The following DNAH8 variants were observed in gnomAD, a reference collection of about 807,000 sequenced individuals.
The protein encoded by DNAH8 is dynein axonemal heavy chain 8, also known as axonemal beta dynein heavy chain 8.
A neutral mutation model predicts 562.1 loss-of-function variants in DNAH8; 382 were observed. That is an observed-to-expected ratio of 0.68 (90% CI 0.63 to 0.74). DNAH8 has a LOEUF of 0.74. Among genes scored for constraint, DNAH8 ranks in the 30% least tolerant of loss-of-function variants. DNAH8 has a pLI of 0.00. For missense variants in DNAH8, 5,203 were observed against 5,620.4 expected, an observed-to-expected ratio of 0.93 and a Z score of 2.37; for synonymous variants, 1,881 against 1,919.4, an observed-to-expected ratio of 0.98 and a Z score of 0.52.
intron 92 of DNAH8, among the ~76,000 whole-genome samples, chr6:39,027,764 T>TGGAG (rs1767393723): frequency 6.6e-6 from 1 of 152,052 alleles, no homozygotes; most frequent in East Asian, 1.9e-4. Flanking sequence ...AGGCGGAGGT[T>TGGAG]GCGGTGAACT....
At chr6:39,011,813 A>G (rs1766230306) in intron 89 of DNAH8, among the ~76,000 whole-genome samples, 1 of 152,212 alleles carries the variant, frequency 6.6e-6, no homozygotes, top group South Asian at 2.1e-4. Context: ...TTAACTTTCT[A>G]TGACATTTCT....
At chr6:38,805,933 G>T (rs9380780) in intron 23 of DNAH8, among the ~76,000 whole-genome samples, 1 of 152,144 alleles carries the variant, frequency 6.6e-6, no homozygotes, top group Non-Finnish European at 1.5e-5. Context: ...CTCAGTTGTT[G>T]TGTTTAATGG....
rs143704949 is a variant in DNAH8 at position 39,008,449 on chromosome 6, T to C, written c.13215-365T>C. 3.3e-3 allele frequency among the ~76,000 whole-genome samples: 495 copies of C among 152,294 alleles called. 1 individual carries two copies. Among genetic ancestry groups the C allele is most frequent in the African/African-American group, 0.011 (461 of 41,558 alleles). Reference sequence around the variant, plus strand: ...GCTGTCCTATAATGATAGACTCTTATGACCAGTCTATAGCAGGGGAGAGTG... The same window carrying C: ...GCTGTCCTATAATGATAGACTCTTACGACCAGTCTATAGCAGGGGAGAGTG... On this transcript the variant is annotated intron_variant, in intron 88 of 92. Transcript: ENST00000327475.
chr6:38,870,265 A>C, intron 48 of DNAH8, 136 bp from the exon 49 acceptor site: 5 of 731,802 alleles, frequency 6.8e-6, no homozygotes, highest in Non-Finnish European at 1.1e-5. Flanking sequence ...AGAAAGTACT[A>C]GAGAATACAA....
chr6:38,974,827 C>T (rs1157627499), intron 85 of DNAH8, among the ~76,000 whole-genome samples: 1 of 152,126 alleles, frequency 6.6e-6, no homozygotes, highest in Non-Finnish European at 1.5e-5. Flanking sequence ...TGTCAGAGCT[C>T]AATAAATATT....
chr6:38,837,004 A>G (rs749355606), intron 32 of DNAH8, among the ~76,000 whole-genome samples: 8 of 152,146 alleles, frequency 5.3e-5, no homozygotes, highest in Non-Finnish European at 8.8e-5. Context: ...ATCCTTCCTT[A>G]GTGTTCACAT....
In DNAH8 at chr6:38,828,187, G is replaced by T. The variant is rs201887726; in HGVS notation, c.4087G>T (p.Ala1363Ser). 1.9e-6 allele frequency: 3 copies of T among 1,584,154 alleles called. No individual in the cohort carries two copies. Among genetic ancestry groups the T allele is most frequent in the Non-Finnish European group, 2.6e-6 (3 of 1,165,430 alleles). Reference sequence around the variant, plus strand: ...AAACTCCACCTTCATCCTGCAGGAAGCCTATGCTATTTTAAACAGATTTGA... The same window carrying T: ...AAACTCCACCTTCATCCTGCAGGAATCCTATGCTATTTTAAACAGATTTGA... ...MDMTLGPIEE[A>S]YAILNRFEVE... is the part of the protein sequence containing the mutation. Residue 1363 changes from alanine (A) to serine (S), a missense_variant, in exon 30 of 93, where the codon GCC (alanine) becomes TCC (serine). Ala to Ser is a moderately conservative substitution (Grantham distance 99). Transcript: ENST00000327475.
intron 3 of DNAH8, among the ~76,000 whole-genome samples, chr6:38,726,460 T>G (rs181493221): frequency 3.9e-5 from 6 of 152,362 alleles, no homozygotes; most frequent in Non-Finnish European, 1.5e-5. Context: ...CTATTTGCTA[T>G]TCCTGGGGTA....
rs911854224 is a variant in DNAH8 at position 38,911,560 on chromosome 6, A to G, written c.9833A>G (p.Asn3278Ser). The G allele has an allele frequency of 6.2e-7, 1 of 1,608,386 alleles. No homozygotes were observed. The highest frequency in any genetic ancestry group is 2.2e-5 in the East Asian group (1 of 44,848). Reference sequence around the variant, plus strand: ...TATGCTGAAAAGGTGAAGTTCATTAATGAACAGGCTGAACGTATGAATATT... The same window carrying G: ...TATGCTGAAAAGGTGAAGTTCATTAGTGAACAGGCTGAACGTATGAATATT... ...NIYAEKVKFI[N>S]EQAERMNIGL... Residue 3278 changes from asparagine (N) to serine (S), a missense_variant, in exon 66 of 93, where the codon AAT becomes AGT. Coordinates refer to ENST00000327475, the MANE Select transcript of DNAH8 (RefSeq NM_001206927.2).
intron 88 of DNAH8, among the ~76,000 whole-genome samples, chr6:38,996,788 A>T (rs1462381796): frequency 6.6e-6 from 1 of 152,162 alleles, no homozygotes; most frequent in African/African-American, 2.4e-5. Flanking sequence ...GTTAGAGAGG[A>T]CACGGTGAGC....
At chr6:38,715,488 C>T (rs1762201230) in intron 1 of DNAH8, 73 bp downstream of exon 1, 1 of 152,416 alleles carries the variant, frequency 6.6e-6, no homozygotes, top group African/African-American at 2.4e-5. Context: ...CCGGGTTCCC[C>T]GCCCACTTTC....
chr6:38,945,979 A>G (rs944997198), intron 80 of DNAH8, among the ~76,000 whole-genome samples: 2 of 152,216 alleles, frequency 1.3e-5, no homozygotes, highest in Non-Finnish European at 2.9e-5. Context: ...AGGTCCCTCT[A>G]AAAAATTAAT....
At chr6:38,814,770 T>C (rs1430944512) in intron 25 of DNAH8, among the ~76,000 whole-genome samples, 1 of 152,140 alleles carries the variant, frequency 6.6e-6, no homozygotes, top group Non-Finnish European at 1.5e-5. Context: ...AACACATGAC[T>C]GTGAGGCAAC....
chr6:38,729,943 G>A lies in DNAH8; in HGVS notation c.567G>A (p.Lys189=), dbSNP rs778634615. Residue 189 remains lysine (K), a synonymous_variant, in exon 4 of 93, where the codon AAG becomes AAA. Transcript: ENST00000327475. ...ATTTTTTTGCGAAAGATGGTTGTAA[G>A]ACACTGAAATTTTTGTACCAAGAAG... The part of the protein sequence containing the change: ...FTNFFAKDGC[K]TLKFLYQEGD... 4 of 1,601,010 alleles carry A rather than the reference G, an allele frequency of 2.5e-6. No homozygotes were observed. In the East Asian group the frequency reaches 8.9e-5, roughly 36 times the overall value.
chr6:38,868,825 C>T lies in DNAH8; in HGVS notation c.6828+629C>T, dbSNP rs144764558. On this transcript the variant is annotated intron_variant, in intron 48 of 92. Transcript: ENST00000327475. ...AGCTGGGACTACTGGCACACACCAC[C>T]ATGCCTGGCTAATTTTTGTACTGTT... Among the ~76,000 whole-genome samples, 1,555 of 152,160 alleles carry T rather than the reference C, an allele frequency of 0.01. 86 individuals are homozygous for T. In the East Asian group the frequency reaches 0.15, roughly 14 times the overall value.
intron 26 of DNAH8, among the ~76,000 whole-genome samples, chr6:38,821,495 G>A (rs1772836463): frequency 6.6e-6 from 1 of 152,116 alleles, no homozygotes; most frequent in Admixed American, 6.5e-5. Flanking sequence ...TAGAGAATAG[G>A]GGAATTCAAA....
intron 21 of DNAH8, 114 bp from the exon 22 acceptor site, chr6:38,803,065 C>A (rs1562838224): frequency 4.1e-6 from 3 of 735,974 alleles, no homozygotes; most frequent in Middle Eastern, 4.0e-4. Context: ...CTATCTCTAG[C>A]TTTTTTTTTC....
At position 38,862,530 on chromosome 6, in the gene DNAH8, T is replaced by A; in HGVS notation, c.6310+72T>A. ...TGCCTTTTAATGTTATTTTCTGATA[T>A]AAATCCAAAGTGACGTGATCTCATA... On this transcript the variant is annotated intron_variant, in intron 44 of 92. Coordinates refer to ENST00000327475, the MANE Select transcript of DNAH8 (RefSeq NM_001206927.2). 2.0e-6 allele frequency: 3 copies of A among 1,507,358 alleles called. No individual in the cohort carries two copies. In the South Asian group the frequency reaches 3.9e-5, roughly 20 times the overall value. 93.4% of individuals were successfully genotyped at this position (1,507,358 alleles called of 1,614,324 possible).
intron 82 of DNAH8, among the ~76,000 whole-genome samples, chr6:38,963,213 T>C (rs1762730865): frequency 6.7e-6 from 1 of 149,644 alleles, no homozygotes; most frequent in South Asian, 2.1e-4. Flanking sequence ...CTGGGGACTA[T>C]AGCATTCCAC....
Sources: allele counts gnomAD v4.1 joint callset (sites outside exome capture counted in the v4.1 genomes callset), GRCh38; gene constraint gnomAD v4.1.1; transcripts MANE v1.5; gene names NCBI Gene and HGNC (gene_info 2026-07-23, HGNC 2026-07-21).